Variants in NALF1 observed in about 807,000 individuals in gnomAD.
The protein encoded by NALF1 is family with sequence similarity 155 member A.
NALF1 carries 3 observed loss-of-function variants against 48.4 expected under a neutral mutation model. The ratio of observed to expected loss-of-function variants is 0.06; its 90% CI spans 0.03 to 0.16. NALF1 has a LOEUF of 0.16. Ranked by LOEUF, NALF1 falls within the 10% of genes least tolerant of loss-of-function variation. NALF1 has a pLI of 1.00. For synonymous variants in NALF1, 262 were observed against 245.7 expected, an observed-to-expected ratio of 1.07 and a Z score of -0.62; for missense variants, 526 against 571.5, an observed-to-expected ratio of 0.92 and a Z score of 0.81.
chr13:107,351,832 A>G (rs772026842), intron 1 of NALF1, among the ~76,000 whole-genome samples: 2 of 152,180 alleles, frequency 1.3e-5, no homozygotes, highest in Non-Finnish European at 2.9e-5. Flanking sequence ...GGAGAGCTTC[A>G]TTTCTTAGAA....
At chr13:107,570,402 G>A (rs980568102) in intron 1 of NALF1, among the ~76,000 whole-genome samples, 3 of 151,832 alleles carry the variant, frequency 2.0e-5, no homozygotes, top group Non-Finnish European at 4.4e-5. Flanking sequence ...TCATAAACAC[G>A]TACTGAATTT....
chr13:107,530,278 T>C (rs912712784), intron 1 of NALF1, among the ~76,000 whole-genome samples: 1 of 152,146 alleles, frequency 6.6e-6, no homozygotes, highest in African/African-American at 2.4e-5. Flanking sequence ...CTTTGTTTAC[T>C]TCATAGCATA....
Position 107,478,451 on chromosome 13 carries a change from A to G in NALF1, c.916-267696T>C, listed in dbSNP as rs148717850. On this transcript the variant is annotated intron_variant, in intron 1 of 2. Coordinates refer to ENST00000375915, the MANE Select transcript of NALF1 (RefSeq NM_001080396.3). ...ATAAAATTTACAAATAAAATATAAC[A>G]TATCAAACAAGAAAAAAAGTCAGTG... is the stretch of plus-strand genomic sequence containing the variant. Among the ~76,000 whole-genome samples, 1,375 of 152,282 alleles carry G rather than the reference A, an allele frequency of 9.0e-3. 19 individuals are homozygous for G. Among genetic ancestry groups the G allele is most frequent in the African/African-American group, 0.031 (1,301 of 41,568 alleles).
intron 1 of NALF1, among the ~76,000 whole-genome samples, chr13:107,619,629 C>T (rs1017173116): frequency 4.6e-5 from 7 of 152,228 alleles, no homozygotes; most frequent in African/African-American, 1.7e-4. Flanking sequence ...CTGTAAAAAG[C>T]ATCAATCATC....
intron 1 of NALF1, among the ~76,000 whole-genome samples, chr13:107,549,832 T>C (rs1219729939): frequency 2.0e-5 from 3 of 152,098 alleles, no homozygotes; most frequent in Non-Finnish European, 4.4e-5. Flanking sequence ...TAACATTCTT[T>C]ATGCAACTTT....
At chr13:107,238,245 C>A (rs1055603207) in intron 1 of NALF1, among the ~76,000 whole-genome samples, 3 of 152,166 alleles carry the variant, frequency 2.0e-5, no homozygotes, top group Non-Finnish European at 4.4e-5. Context: ...ACTGCTCACC[C>A]AGCATGGGGT....
chr13:107,250,644 G>T (rs542761653), intron 1 of NALF1, among the ~76,000 whole-genome samples: 39 of 152,258 alleles, frequency 2.6e-4, no homozygotes, highest in Middle Eastern at 3.4e-3. Flanking sequence ...TCGGCGCATT[G>T]GTAGAGCTGA....
At chr13:107,812,070 G>C (rs1879011774) in intron 1 of NALF1, among the ~76,000 whole-genome samples, 1 of 151,892 alleles carries the variant, frequency 6.6e-6, no homozygotes, top group Non-Finnish European at 1.5e-5. Flanking sequence ...TAGTATTAAG[G>C]GTTTAATACT....
intron 1 of NALF1, among the ~76,000 whole-genome samples, chr13:107,324,649 T>C: frequency 6.6e-6 from 1 of 152,176 alleles, no homozygotes; most frequent in East Asian, 1.9e-4. Flanking sequence ...ACTCATAGAA[T>C]GTTGCGTATC....
At chr13:107,755,726 T>G (rs1877076278) in intron 1 of NALF1, among the ~76,000 whole-genome samples, 1 of 152,034 alleles carries the variant, frequency 6.6e-6, no homozygotes, top group South Asian at 2.1e-4. Flanking sequence ...TGTACATACA[T>G]GCAGAGGAAA....
At chr13:107,212,931 T>C (rs2138806896) in intron 1 of NALF1, among the ~76,000 whole-genome samples, 1 of 152,250 alleles carries the variant, frequency 6.6e-6, no homozygotes, top group African/African-American at 2.4e-5. Context: ...TGGCTCATGT[T>C]TTCATTGGCC....
intron 1 of NALF1, among the ~76,000 whole-genome samples, chr13:107,560,282 C>A (rs1398396624): frequency 1.3e-5 from 2 of 151,996 alleles, no homozygotes; most frequent in Non-Finnish European, 2.9e-5. Flanking sequence ...GAGGATGGGT[C>A]TTCTGCAATG....
At chr13:107,382,957 G>A (rs547311927) in intron 1 of NALF1, among the ~76,000 whole-genome samples, 2 of 152,310 alleles carry the variant, frequency 1.3e-5, no homozygotes, top group African/African-American at 4.8e-5. Flanking sequence ...GATATCCAGA[G>A]ACAGCAGCTC....
chr13:107,525,481 T>C (rs149977196), intron 1 of NALF1, among the ~76,000 whole-genome samples: 85 of 152,266 alleles, frequency 5.6e-4, no homozygotes, highest in Non-Finnish European at 9.4e-4. Context: ...TAGAATTTCA[T>C]AGTATAGTTG....
At chr13:107,600,320 C>T (rs1232732765) in intron 1 of NALF1, among the ~76,000 whole-genome samples, 1 of 152,108 alleles carries the variant, frequency 6.6e-6, no homozygotes, top group Non-Finnish European at 1.5e-5. Flanking sequence ...GTTAGCTTTG[C>T]AATGTCTTCC....
In NALF1 at chr13:107,187,627, T is replaced by C. The variant is rs74113912; in HGVS notation, c.1088-16841A>G. On this transcript the variant is annotated intron_variant, in intron 2 of 2. Transcript: ENST00000375915. ...TTTATGGAGTGAACAACACCACGCA[T>C]ACGTGGGAATGGAGACAGCCGGGCA... Among the ~76,000 whole-genome samples the C allele has an allele frequency of 5.1e-3, 774 of 152,302 alleles. 5 individuals are homozygous for C. The highest frequency in any genetic ancestry group is 0.018 in the African/African-American group (736 of 41,560).
chr13:107,201,209 G>A (rs995971629), intron 2 of NALF1, among the ~76,000 whole-genome samples: 2 of 151,728 alleles, frequency 1.3e-5, no homozygotes, highest in African/African-American at 2.4e-5. Flanking sequence ...CCATCCATAA[G>A]TTGATAAGTT....
intron 1 of NALF1, among the ~76,000 whole-genome samples, chr13:107,421,262 T>A (rs1256629624): frequency 3.9e-5 from 6 of 152,200 alleles, no homozygotes; most frequent in African/African-American, 1.4e-4. Context: ...AGATTTGTTC[T>A]GCACTTTCTC....
chr13:107,842,735 G>A (rs1394055094), intron 1 of NALF1, among the ~76,000 whole-genome samples: 3 of 151,682 alleles, frequency 2.0e-5, no homozygotes, highest in Admixed American at 6.6e-5. Context: ...TCTGACAAAC[G>A]AGCAAAAATT....
Sources: allele counts gnomAD v4.1 joint callset (sites outside exome capture counted in the v4.1 genomes callset), GRCh38; gene constraint gnomAD v4.1.1; transcripts MANE v1.5; gene names NCBI Gene and HGNC (gene_info 2026-07-23, HGNC 2026-07-21).